ARHGAP31: variants seen among roughly 807,000 people sequenced by gnomAD.
The protein encoded by ARHGAP31 is Rho GTPase activating protein 31.
A neutral mutation model predicts 113.9 loss-of-function variants in ARHGAP31; 34 were observed. That is an observed-to-expected ratio of 0.30 (90% CI 0.23 to 0.40). The LOEUF (loss-of-function observed/expected upper bound fraction) is 0.40. Ranked by LOEUF, ARHGAP31 falls within the 10% of genes least tolerant of loss-of-function variation. The pLI, the probability that ARHGAP31 is intolerant of heterozygous loss-of-function variation, is 1.00. For missense variants in ARHGAP31, 1,548 were observed against 1,767.1 expected (o/e 0.88, Z 2.22); for synonymous variants, 650 against 684.8 (o/e 0.95, Z 0.79).
intron 9 of ARHGAP31, among the ~76,000 whole-genome samples, chr3:119,400,119 GAAC>G (rs2080587477): frequency 6.6e-6 from 1 of 152,148 alleles, no homozygotes; most frequent in Non-Finnish European, 1.5e-5. Context: ...AAAATCTTTA[GAAC>G]AACATTTTAA....
intron 1 of ARHGAP31, among the ~76,000 whole-genome samples, chr3:119,296,753 A>G (rs1252436604): frequency 2.1e-5 from 3 of 144,374 alleles, no homozygotes; most frequent in Non-Finnish European, 3.0e-5. Context: ...TCATTTAGAC[A>G]AAAAAAAACA....
chr3:119,306,779 C>G (rs962106405), intron 1 of ARHGAP31, among the ~76,000 whole-genome samples: 1 of 152,072 alleles, frequency 6.6e-6, no homozygotes, highest in Admixed American at 6.5e-5. Context: ...GATCTAATAT[C>G]CTTGGCCTAC....
intron 1 of ARHGAP31, among the ~76,000 whole-genome samples, chr3:119,312,987 T>C (rs1004117833): frequency 1.3e-5 from 2 of 152,256 alleles, no homozygotes; most frequent in Admixed American, 6.5e-5. Flanking sequence ...AGTTATATCA[T>C]ACACATGTTC....
At chr3:119,358,472 G>A (rs567428711) in intron 1 of ARHGAP31, among the ~76,000 whole-genome samples, 8 of 152,218 alleles carry the variant, frequency 5.3e-5, no homozygotes, top group African/African-American at 7.2e-5. Context: ...GTCACCATAC[G>A]ACCTAGCCAT....
chr3:119,405,482 CA>C (rs2080652388), intron 10 of ARHGAP31, among the ~76,000 whole-genome samples: 1 of 152,152 alleles, frequency 6.6e-6, no homozygotes, highest in Non-Finnish European at 1.5e-5. Context: ...AGGAAGAAGC[CA>C]AGCAGCTTCC....
chr3:119,310,263 G>A (rs1021672881), intron 1 of ARHGAP31, among the ~76,000 whole-genome samples: 1 of 152,218 alleles, frequency 6.6e-6, no homozygotes, highest in Non-Finnish European at 1.5e-5. Flanking sequence ...GACTTGGCCT[G>A]GAAAAGCTTC....
rs186029792 is a variant in ARHGAP31, at chr3:119,366,104, T to C, written c.203+686T>C. ...GTTTTATATATATACAGAGAGTATA[T>C]AGAAAACAGAGTATATATGTATAAT... On this transcript the variant is annotated intron_variant, in intron 2 of 11. Transcript: ENST00000264245. Among the ~76,000 whole-genome samples the C allele has an allele frequency of 4.5e-4, 69 of 152,174 alleles. 2 individuals are homozygous for C. Among genetic ancestry groups the C allele is most frequent in the Admixed American group, 3.9e-4 (6 of 15,278 alleles).
intron 2 of ARHGAP31, among the ~76,000 whole-genome samples, chr3:119,365,967 G>C (rs2080249964): frequency 6.6e-6 from 1 of 152,008 alleles, no homozygotes; most frequent in South Asian, 2.1e-4. Context: ...ATAAATTACT[G>C]ATGGGTGAAC....
chr3:119,326,539 C>A (rs963431475), intron 1 of ARHGAP31, among the ~76,000 whole-genome samples: 78 of 152,112 alleles, frequency 5.1e-4, no homozygotes, highest in Non-Finnish European at 1.0e-4. Flanking sequence ...TGGAAACGTC[C>A]AAGATATGTT....
chr3:119,337,492 C>T (rs111764663), intron 1 of ARHGAP31, among the ~76,000 whole-genome samples: 13,610 of 152,164 alleles, frequency 0.089, 785 homozygotes, highest in Non-Finnish European at 0.12. Context: ...ACAAAGCTTC[C>T]ACAATACTGA....
intron 1 of ARHGAP31, among the ~76,000 whole-genome samples, chr3:119,336,611 C>A (rs892622261): frequency 6.6e-6 from 1 of 152,170 alleles, no homozygotes; most frequent in Admixed American, 6.5e-5. Context: ...AAGTTCTAAA[C>A]AATTGCTGCA....
intron 1 of ARHGAP31, among the ~76,000 whole-genome samples, chr3:119,323,752 GT>G (rs1248991263): frequency 6.6e-6 from 1 of 152,184 alleles, no homozygotes; most frequent in Non-Finnish European, 1.5e-5. Flanking sequence ...GGAGCCTTAG[GT>G]TCTCTGCAAA....
chr3:119,377,795 G>A (rs1371430019), intron 3 of ARHGAP31, among the ~76,000 whole-genome samples: 2 of 143,676 alleles, frequency 1.4e-5, no homozygotes, highest in South Asian at 4.7e-4. Flanking sequence ...CTTTTTAAAG[G>A]TCTAGTAAAT....
rs1292959948 is a variant in ARHGAP31, at chr3:119,415,014, C to G, written c.3085C>G (p.Gln1029Glu). ...PPNQKGPSGV[Q>E]PNPAETSPIS... is the part of the protein sequence containing the mutation. ...CAACCAGAAGGGACCAAGTGGTGTG[C>G]AACCCAACCCAGCAGAAACCAGCCC... The change falls in exon 12 of 12, where the codon CAA becomes GAA. Residue 1029 changes from glutamine (Q) to glutamate (E), a missense_variant. Transcript: ENST00000264245. 2 of 1,614,108 alleles carry G rather than the reference C, an allele frequency of 1.2e-6. No homozygotes were observed. Among genetic ancestry groups the G allele is most frequent in the Non-Finnish European group, 1.7e-6 (2 of 1,180,024 alleles).
chr3:119,393,426 A>G (rs1451852321), intron 7 of ARHGAP31, 41 bp from the exon 8 acceptor site: 2 of 1,612,960 alleles, frequency 1.2e-6, no homozygotes, highest in African/African-American at 2.7e-5. Context: ...CCTTGAAATG[A>G]CAAGTTAACA....
At chr3:119,401,070 T>G (rs961269842) in intron 9 of ARHGAP31, among the ~76,000 whole-genome samples, 12 of 151,026 alleles carry the variant, frequency 7.9e-5, no homozygotes, top group African/African-American at 2.9e-4. Context: ...ACTCAGGAGG[T>G]TGAGGCAGGA....
chr3:119,378,744 C>A (rs927808014), intron 3 of ARHGAP31, among the ~76,000 whole-genome samples: 2 of 152,176 alleles, frequency 1.3e-5, no homozygotes, highest in Non-Finnish European at 2.9e-5. Context: ...GTTCTCACCG[C>A]CTTGCAGAGC....
intron 1 of ARHGAP31, among the ~76,000 whole-genome samples, chr3:119,320,837 C>T (rs993938244): frequency 6.6e-6 from 1 of 152,062 alleles, no homozygotes; most frequent in Non-Finnish European, 1.5e-5. Context: ...TGAATTCCCA[C>T]GTGTTGTGGG....
At chr3:119,386,160 A>G (rs901884259) in intron 6 of ARHGAP31, among the ~76,000 whole-genome samples, 32 of 152,250 alleles carry the variant, frequency 2.1e-4, no homozygotes, top group African/African-American at 7.7e-4. Flanking sequence ...TAATATTTAC[A>G]CAAAATGGAA....
Sources: gnomAD v4.1 joint callset for allele counts (sites outside exome capture counted in the v4.1 genomes callset) on GRCh38, gnomAD v4.1.1 for gene constraint, MANE v1.5 for transcripts, NCBI Gene and HGNC (gene_info 2026-07-23, HGNC 2026-07-21) for gene names.